Variants in NCOR2 observed in about 807,000 individuals in gnomAD.
NCOR2 encodes CTG repeat protein 26.
A neutral mutation model predicts 262.9 loss-of-function variants in NCOR2; 81 were observed. The ratio of observed to expected loss-of-function variants is 0.31; its 90% CI spans 0.26 to 0.37. The LOEUF is 0.37. Among genes scored for constraint, NCOR2 ranks in the 10% least tolerant of loss-of-function variants. NCOR2 has a pLI of 1.00. For missense variants in NCOR2, 3,385 were observed against 3,621.4 expected, an observed-to-expected ratio of 0.93 and a Z score of 1.68; for synonymous variants, 1,659 against 1,559.3, an observed-to-expected ratio of 1.06 and a Z score of -1.51.
At chr12:124,359,912 A>T (rs887766298) in intron 22 of NCOR2, among the ~76,000 whole-genome samples, 4 of 152,188 alleles carry the variant, frequency 2.6e-5, no homozygotes, top group Non-Finnish European at 5.9e-5. Context: ...GCGGGAGCTG[A>T]GCTGCAAGCC....
chr12:124,410,094 C>T (rs2042487380), intron 13 of NCOR2, among the ~76,000 whole-genome samples: 1 of 151,122 alleles, frequency 6.6e-6, no homozygotes, highest in Non-Finnish European at 1.5e-5. Context: ...GCCAGGGCCC[C>T]TCCCTCAGTG....
intron 7 of NCOR2, among the ~76,000 whole-genome samples, chr12:124,447,738 C>T (rs775520215): frequency 1.3e-5 from 2 of 151,552 alleles, no homozygotes; most frequent in Non-Finnish European, 2.9e-5. Context: ...GCTCTGTCAC[C>T]CAGGCTGGAG....
At chr12:124,362,136 G>A (rs757649266) in exon 22 of NCOR2, 29 of 1,300,586 alleles carry the variant, frequency 2.2e-5, no homozygotes, top group South Asian at 9.6e-5. Context: ...CCTCCTTGTC[G>A]GCGGGGGGTG....
intron 13 of NCOR2, among the ~76,000 whole-genome samples, chr12:124,419,064 T>C (rs2043067577): frequency 6.6e-6 from 1 of 152,194 alleles, no homozygotes; most frequent in African/African-American, 2.4e-5. Context: ...TCCCAGCATC[T>C]GCTCTGAGAC....
At chr12:124,418,253 C>T (rs1041576190) in intron 13 of NCOR2, among the ~76,000 whole-genome samples, 1 of 152,182 alleles carries the variant, frequency 6.6e-6, no homozygotes, top group African/African-American at 2.4e-5. Context: ...ACGATCCCTG[C>T]GGATAAGGAC....
intron 45 of NCOR2, among the ~76,000 whole-genome samples, chr12:124,326,669 G>T (rs1481853804): frequency 3.3e-5 from 5 of 152,144 alleles, no homozygotes; most frequent in Admixed American, 1.3e-4. Context: ...CAGCCCCAGG[G>T]GCTGGAACCC....
chr12:124,348,118 T>C, intron 29 of NCOR2, 56 bp downstream of exon 31: 1 of 1,600,062 alleles, frequency 6.2e-7, no homozygotes, highest in Non-Finnish European at 8.5e-7. Flanking sequence ...GGGTCAGCCA[T>C]CCCCCCACCG....
At chr12:124,353,654 G>T (rs894071835) in intron 27 of NCOR2, among the ~76,000 whole-genome samples, 6 of 152,236 alleles carry the variant, frequency 3.9e-5, no homozygotes, top group African/African-American at 1.4e-4. Context: ...CTCATGCTCT[G>T]TCTTTGCACA....
intron 28 of NCOR2, chr12:124,348,873 T>C (rs1343621329): frequency 6.4e-6 from 1 of 156,198 alleles, no homozygotes; most frequent in East Asian, 1.9e-4. Context: ...TGTGTGGACG[T>C]GTGGCAGGCA....
At chr12:124,363,595 C>T in intron 21 of NCOR2, 84 bp downstream of exon 23, 1 of 1,232,142 alleles carries the variant, frequency 8.1e-7, no homozygotes, top group Non-Finnish European at 1.1e-6. Context: ...GGTGCATGCT[C>T]CCGCCCGTGG....
At chr12:124,451,836 C>A (rs1313483148) in intron 6 of NCOR2, among the ~76,000 whole-genome samples, 2 of 152,128 alleles carry the variant, frequency 1.3e-5, no homozygotes, top group African/African-American at 4.8e-5. Context: ...GTGGGCCACC[C>A]AGACCCCCGC....
chr12:124,474,892 G>A (rs1019838346), intron 3 of NCOR2, among the ~76,000 whole-genome samples: 21 of 152,060 alleles, frequency 1.4e-4, no homozygotes, highest in African/African-American at 4.6e-4. Flanking sequence ...CCCCGCCCCC[G>A]CAGCAGCTGC....
chr12:124,509,173 C>T (rs1428393521), intron 1 of NCOR2, among the ~76,000 whole-genome samples: 3 of 149,010 alleles, frequency 2.0e-5, no homozygotes, highest in African/African-American at 7.6e-5. Context: ...CCCCTGCACC[C>T]TCAGTCCTGG....
chr12:124,438,020 CA>C, intron 7 of NCOR2, 24 bp from the exon 10 acceptor site: 1 of 1,598,998 alleles, frequency 6.3e-7, no homozygotes, highest in Non-Finnish European at 8.5e-7. Flanking sequence ...AAGCGGCAGA[CA>C]GGTCAGCCCG....
chr12:124,349,727 C>T lies in NCOR2; in HGVS notation c.3844+860G>A, dbSNP rs115942098. Among the ~76,000 whole-genome samples the T allele has an allele frequency of 8.1e-3, 1,229 of 152,292 alleles. 19 individuals carry two copies. Among genetic ancestry groups the T allele is most frequent in the African/African-American group, 0.028 (1,163 of 41,554 alleles). On this transcript the variant is annotated intron_variant, in intron 28 of 46. Coordinates refer to ENST00000405201, the Ensembl canonical transcript of NCOR2. ...GGCCTATAAAGGCTCAGGCACTGGTCTGGGGTCCCAAGGTGGGACTCTACC... is the reference window on the plus strand; with the variant it reads ...GGCCTATAAAGGCTCAGGCACTGGTTTGGGGTCCCAAGGTGGGACTCTACC...
chr12:124,537,405 G>T (rs1369188316), upstream of NCOR2, among the ~76,000 whole-genome samples: 2 of 152,192 alleles, frequency 1.3e-5, no homozygotes, highest in African/African-American at 4.8e-5. Context: ...GGCCAGGGCT[G>T]CCCCCTCCCA....
chr12:124,336,210 G>T (rs1042760241), intron 38 of NCOR2: 1 of 163,392 alleles, frequency 6.1e-6, no homozygotes, highest in Admixed American at 5.9e-5. Flanking sequence ...TCCCTGCCCC[G>T]CCTCAGCTTC....
chr12:124,352,709 AG>A (rs1402425107), intron 27 of NCOR2, among the ~76,000 whole-genome samples: 2 of 152,250 alleles, frequency 1.3e-5, no homozygotes, highest in Non-Finnish European at 2.9e-5. Flanking sequence ...TGCCATCTTC[AG>A]GGACATGGAC....
chr12:124,419,417 CCA>C (rs569940740), intron 13 of NCOR2, among the ~76,000 whole-genome samples: 35 of 152,298 alleles, frequency 2.3e-4, no homozygotes, highest in Non-Finnish European at 4.7e-4. Flanking sequence ...CGGATTAGCC[CCA>C]GAGTCCCAGT....
Sources: gnomAD v4.1 joint callset for allele counts (sites outside exome capture counted in the v4.1 genomes callset) on GRCh38, gnomAD v4.1.1 for gene constraint, MANE v1.5 for transcripts, NCBI Gene and HGNC (gene_info 2026-07-23, HGNC 2026-07-21) for gene names.